NSF: variants seen among roughly 807,000 people sequenced by gnomAD.
NSF encodes the protein N-ethylmaleimide sensitive factor, vesicle fusing ATPase, also known as vesicle-fusing ATPase.
Under a neutral mutation model 50.3 loss-of-function variants are expected in NSF, and 14 were observed. That is an observed-to-expected ratio of 0.28 (90% CI 0.18 to 0.44). The LOEUF is 0.44. Ranked by LOEUF, NSF falls within the 20% of genes least tolerant of loss-of-function variation. NSF has a pLI of 1.00. For missense variants in NSF, 218 were observed against 504.3 expected, an observed-to-expected ratio of 0.43 and a Z score of 5.44; for synonymous variants, 109 against 175.7, an observed-to-expected ratio of 0.62 and a Z score of 3.00.
chr17:46,612,435 CAT>C (rs1394741889), intron 1 of NSF, among the ~76,000 whole-genome samples: 1 of 7,170 alleles, frequency 1.4e-4, no homozygotes. Context: ...CATACATTAA[CAT>C]GTGGCATTAT....
In NSF at chr17:46,755,887, C is replaced by A; in HGVS notation, c.*64C>A. ...GACCAAGGTGAAGATGGCCTAGGAT[C>A]TTCACTGTCTTACTCAAGATACTGG... On this transcript the variant is annotated 3_prime_UTR_variant, in exon 21 of 21. Transcript: ENST00000398238. 6.7e-7 allele frequency: 1 copy of A among 1,496,856 alleles called. No individual in the cohort carries two copies. Among genetic ancestry groups the A allele is most frequent in the Non-Finnish European group, 9.2e-7 (1 of 1,082,648 alleles). The allele number at this position is 1,496,856 out of a possible 1,614,324, so 92.7% of individuals were successfully genotyped here. A position where few individuals can be genotyped will look rare whatever the true frequency, so the allele number is the denominator to read the frequency against.
chr17:46,750,284 C>T (rs569245683), intron 18 of NSF, among the ~76,000 whole-genome samples: 10 of 152,234 alleles, frequency 6.6e-5, no homozygotes, highest in Non-Finnish European at 1.2e-4. Context: ...ACCCAGGAGG[C>T]GGAGGTTGCA....
intron 4 of NSF, among the ~76,000 whole-genome samples, chr17:46,633,902 A>T (rs1255587712): frequency 1.5e-4 from 11 of 74,664 alleles, no homozygotes; most frequent in East Asian, 1.7e-3. Context: ...ACAGAGTTTC[A>T]CTCTTGTTGC....
chr17:46,690,624 A>AAAAATAT (rs1381328687), intron 9 of NSF, among the ~76,000 whole-genome samples: 4 of 110,954 alleles, frequency 3.6e-5, no homozygotes, highest in East Asian at 2.4e-4. Flanking sequence ...AAAAAAAAAA[A>AAAAATAT]ATATATATAT....
chr17:46,715,236 A>G (rs1303916325), intron 15 of NSF, among the ~76,000 whole-genome samples: 1 of 152,248 alleles, frequency 6.6e-6, no homozygotes, highest in Non-Finnish European at 1.5e-5. Flanking sequence ...ATCATAGTTT[A>G]TTCTGTCTCT....
Position 46,755,918 on chromosome 17 carries a change from G to GT in NSF, c.*96dup. The GT allele has an allele frequency of 7.9e-7, 1 of 1,263,224 alleles. No homozygotes were observed. The highest frequency in any genetic ancestry group is 1.1e-6 in the Non-Finnish European group (1 of 885,236). 78.3% of individuals were successfully genotyped at this position (1,263,224 alleles called of 1,614,324 possible). On this transcript the variant is annotated 3_prime_UTR_variant, in exon 21 of 21. Coordinates refer to ENST00000398238, the MANE Select transcript of NSF (RefSeq NM_006178.4). ...TGTCTTACTCAAGATACTGGACTAA[G>GT]TGGAACGTTCTCTACCTTCAACATG...
intron 17 of NSF, among the ~76,000 whole-genome samples, chr17:46,743,707 C>T (rs1352055469): frequency 6.6e-6 from 1 of 152,198 alleles, no homozygotes; most frequent in Non-Finnish European, 1.5e-5. Flanking sequence ...TACAACTGGC[C>T]TGTCCTTGGG....
chr17:46,737,552 G>A (rs2059018698), intron 17 of NSF, among the ~76,000 whole-genome samples: 1 of 145,274 alleles, frequency 6.9e-6, no homozygotes, highest in Non-Finnish European at 1.5e-5. Context: ...TTTCTAATTT[G>A]TTCACCTAGG....
intron 12 of NSF, among the ~76,000 whole-genome samples, chr17:46,703,699 A>C (rs1390073837): frequency 1.3e-4 from 20 of 149,048 alleles, no homozygotes; most frequent in Non-Finnish European, 2.2e-4. Context: ...AAAAAAAAAA[A>C]AAAAACAAAA....
chr17:46,649,437 A>C (rs1568022081), intron 8 of NSF, among the ~76,000 whole-genome samples: 1 of 152,068 alleles, frequency 6.6e-6, no homozygotes, highest in Non-Finnish European at 1.5e-5. Context: ...GAGGGAGAGC[A>C]GAGCTTCTGA....
At chr17:46,724,286 G>T (rs145634724) in intron 15 of NSF, among the ~76,000 whole-genome samples, 5 of 152,294 alleles carry the variant, frequency 3.3e-5, no homozygotes, top group Admixed American at 3.3e-4. Flanking sequence ...AGGACAACCC[G>T]AAAATCTCAG....
chr17:46,709,483 C>T (rs1344456447), intron 13 of NSF, among the ~76,000 whole-genome samples: 1 of 151,652 alleles, frequency 6.6e-6, no homozygotes, highest in Admixed American at 6.6e-5. Flanking sequence ...AAGACAAAAG[C>T]CAGCCTATAA....
chr17:46,735,397 A>G (rs1000373373), intron 17 of NSF, among the ~76,000 whole-genome samples: 3 of 151,950 alleles, frequency 2.0e-5, no homozygotes, highest in Non-Finnish European at 4.4e-5. Context: ...GTAGTAGTCC[A>G]TGGGTGCCAT....
chr17:46,749,038 ATCT>A (rs1291728910), intron 17 of NSF, among the ~76,000 whole-genome samples: 5 of 152,204 alleles, frequency 3.3e-5, no homozygotes, highest in African/African-American at 1.2e-4. Flanking sequence ...ATAAATCCCC[ATCT>A]TCCATGGTAG....
intron 17 of NSF, among the ~76,000 whole-genome samples, chr17:46,741,629 G>A (rs1355319053): frequency 1.3e-5 from 2 of 152,060 alleles, no homozygotes; most frequent in African/African-American, 4.8e-5. Context: ...ATTTAAACAA[G>A]AGAAATCAGA....
Position 46,713,956 on chromosome 17 carries a change from T to C in NSF, c.1731T>C (p.Ser577=), listed in dbSNP as rs11537609. ...ICSPDKMIGF[S]ETAKCQAMKK... Reference sequence around the variant, plus strand: ...CTCCTGATAAAATGATTGGCTTTTCTGAAACAGCCAAATGTCAGGCCATGA... The same window carrying C: ...CTCCTGATAAAATGATTGGCTTTTCCGAAACAGCCAAATGTCAGGCCATGA... The change falls in exon 15 of 21, where the codon TCT becomes TCC. Residue 577 remains serine, a synonymous_variant. Coordinates refer to ENST00000398238, the MANE Select transcript of NSF (RefSeq NM_006178.4). The C allele has an allele frequency of 6.0e-3, 9,562 of 1,606,030 alleles. 43 individuals carry two copies. The highest frequency in any genetic ancestry group is 7.0e-3 in the Non-Finnish European group (8,249 of 1,178,162).
intron 4 of NSF, among the ~76,000 whole-genome samples, chr17:46,635,512 A>G (rs1419709580): frequency 1.0e-5 from 1 of 100,344 alleles, no homozygotes; most frequent in Admixed American, 1.0e-4. Context: ...ATTATATTTC[A>G]TAATTAACTG....
At chr17:46,735,876 C>T (rs1485280630) in intron 17 of NSF, among the ~76,000 whole-genome samples, 1 of 152,072 alleles carries the variant, frequency 6.6e-6, no homozygotes, top group Non-Finnish European at 1.5e-5. Flanking sequence ...ACCCAGGAGG[C>T]GGAGTTTGCA....
chr17:46,740,910 T>C (rs199444), intron 17 of NSF, among the ~76,000 whole-genome samples: 45,624 of 151,814 alleles, frequency 0.3, 7,616 homozygotes, highest in East Asian at 0.6. Flanking sequence ...GATCTGCCCG[T>C]CTCAATATCT....
Sources: allele counts gnomAD v4.1 joint callset (sites outside exome capture counted in the v4.1 genomes callset), GRCh38; gene constraint gnomAD v4.1.1; transcripts MANE v1.5; gene names NCBI Gene and HGNC (gene_info 2026-07-23, HGNC 2026-07-21).